Variants in ZIM2 observed in about 807,000 individuals in gnomAD.
ZIM2 encodes the protein zinc finger imprinted 2.
Under a neutral mutation model 38.6 loss-of-function variants are expected in ZIM2, and 14 were observed. The observed-to-expected ratio is 0.36, with a 90% CI of 0.24 to 0.57. ZIM2 has a LOEUF of 0.57. ZIM2 is among the 20% of genes least tolerant of loss of function. The pLI, the probability that ZIM2 is intolerant of heterozygous loss-of-function variation, is 0.81. For missense variants in ZIM2, 680 were observed against 695.1 expected, an observed-to-expected ratio of 0.98 and a Z score of 0.24; for synonymous variants, 247 against 245.8, an observed-to-expected ratio of 1.00 and a Z score of -0.04.
chr19:56,813,186 GCT>G (rs2059656271), intron 9 of ZIM2: 1 of 969,532 alleles, frequency 1.0e-6, no homozygotes. Flanking sequence ...CAAATTTGTT[GCT>G]CTCTTCCTCC....
At chr19:56,816,124 G>T (rs753236318) in intron 9 of ZIM2, 1 of 1,613,402 alleles carries the variant, frequency 6.2e-7, no homozygotes, top group Non-Finnish European at 8.5e-7. Flanking sequence ...CCTCTCATAT[G>T]ATTTTGCCTC....
chr19:56,833,527 C>T, intron 2 of ZIM2: 1 of 255,508 alleles, frequency 3.9e-6, no homozygotes, highest in Middle Eastern at 1.5e-3. Context: ...AGTGTCCCTT[C>T]ATCCAAATTC....
At chr19:56,809,077 G>A (rs1816345663) in intron 9 of ZIM2, among the ~76,000 whole-genome samples, 1 of 152,122 alleles carries the variant, frequency 6.6e-6, no homozygotes, top group South Asian at 2.1e-4. Context: ...AGAGTATAAG[G>A]ATTGGTCAAA....
chr19:56,824,542 A>G, intron 3 of ZIM2, 115 bp from the exon 4 acceptor site: 1 of 1,614,102 alleles, frequency 6.2e-7, no homozygotes, highest in Non-Finnish European at 8.5e-7. Context: ...AGTCAGTTGG[A>G]CCTTCTCCTA....
At chr19:56,812,972 C>T (rs1055359) in intron 9 of ZIM2, 777,651 of 985,208 alleles carry the variant, frequency 0.79, 307,082 homozygotes, top group South Asian at 0.85. Context: ...AAAGTGTTGG[C>T]GCAGATGAAA....
In ZIM2 at chr19:56,775,220, G is replaced by A. The variant is rs536403235; in HGVS notation, c.1145C>T (p.Thr382Ile). 6.8e-6 allele frequency: 11 copies of A among 1,614,154 alleles called. No homozygotes were observed. The highest frequency in any genetic ancestry group is 3.3e-5 in the Admixed American group (2 of 60,010). The change falls in exon 13 of 13, where the codon ACT becomes ATT. Residue 382 changes from threonine to isoleucine, a missense_variant. Thr to Ile is a moderately conservative substitution (Grantham distance 89, BLOSUM62 -1). Coordinates refer to ENST00000629319, the MANE Select transcript of ZIM2 (RefSeq NM_001387356.1). ...TTTACATTCATAGGGTTTCTTCCCA[G>A]TATGGATCCGTTCGTGTCTCCTAAG... ...VALRRHERIH[T>I]GKKPYECKQC...
intron 9 of ZIM2, among the ~76,000 whole-genome samples, chr19:56,807,540 G>A (rs2047816980): frequency 6.6e-6 from 1 of 152,178 alleles, no homozygotes; most frequent in South Asian, 2.1e-4. Context: ...CAGGCACAGT[G>A]GCTCACGCCT....
chr19:56,795,427 T>C (rs1568579392), intron 9 of ZIM2, among the ~76,000 whole-genome samples: 1 of 152,156 alleles, frequency 6.6e-6, no homozygotes, highest in Admixed American at 6.5e-5. Context: ...GGCTACCCGC[T>C]CGCCGGCCGC....
chr19:56,802,393 G>A (rs2047565300), intron 9 of ZIM2, among the ~76,000 whole-genome samples: 1 of 152,188 alleles, frequency 6.6e-6, no homozygotes, highest in Admixed American at 6.5e-5. Flanking sequence ...CAAACGAGAT[G>A]CACTAAAAGG....
chr19:56,780,481 T>A (rs1349183778), intron 11 of ZIM2, among the ~76,000 whole-genome samples: 1 of 152,110 alleles, frequency 6.6e-6, no homozygotes, highest in Non-Finnish European at 1.5e-5. Flanking sequence ...TGACCTCAAA[T>A]GAACCACCTG....
At chr19:56,778,368 G>T (rs1298879024) in intron 12 of ZIM2, among the ~76,000 whole-genome samples, 1 of 152,164 alleles carries the variant, frequency 6.6e-6, no homozygotes, top group Non-Finnish European at 1.5e-5. Flanking sequence ...AATTTTGTTT[G>T]GACATCCACT....
At position 56,814,181 on chromosome 19, in the gene ZIM2, C is replaced by CCACT; in HGVS notation, c.490+3564_490+3565insAGTG. 1 of 1,614,112 alleles carries CCACT rather than the reference C, an allele frequency of 6.2e-7. No individual in the cohort carries two copies. Among genetic ancestry groups the CCACT allele is most frequent in the Non-Finnish European group, 8.5e-7 (1 of 1,180,036 alleles). On this transcript the variant is annotated intron_variant, in intron 9 of 12. Transcript: ENST00000629319. The surrounding 1 kb of genome is among the most constrained non-coding windows in gnomAD (Gnocchi z 5.8). ...GCCTCTCCATCTGGCCCTTCAGCCT[C>CCACT]TCCGTTTGGCTCAGCAGCCTCCACT...
In ZIM2 at chr19:56,808,774, G is replaced by A. The variant is rs373307344; in HGVS notation, c.490+8972C>T. Among the ~76,000 whole-genome samples, 442 of 152,218 alleles carry A rather than the reference G, an allele frequency of 2.9e-3. 3 individuals are homozygous for A. The highest frequency in any genetic ancestry group is 9.9e-3 in the African/African-American group (412 of 41,530). ...AACCATGTAAAAGAAACCAAGGGCAGGCAGTTCAGCCAGACTCCACAAGGC... is the reference window on the plus strand; with the variant it reads ...AACCATGTAAAAGAAACCAAGGGCAAGCAGTTCAGCCAGACTCCACAAGGC... On this transcript the variant is annotated intron_variant, in intron 9 of 12. Coordinates refer to ENST00000629319, the MANE Select transcript of ZIM2 (RefSeq NM_001387356.1).
intron 1 of ZIM2, among the ~76,000 whole-genome samples, chr19:56,838,333 GGCGCCT>G (rs1288604821): frequency 6.6e-6 from 1 of 152,204 alleles, no homozygotes; most frequent in African/African-American, 2.4e-5. Flanking sequence ...CACTCAAGAT[GGCGCCT>G]GCGCAATCAA....
rs1279278164 is a variant in ZIM2 at position 56,840,592 on chromosome 19, TG to T, written c.-325del. The T allele has an allele frequency of 2.0e-5, 3 of 152,402 alleles. No homozygotes were observed. The highest frequency in any genetic ancestry group is 7.2e-5 in the African/African-American group (3 of 41,444). 9.4% of individuals were successfully genotyped at this position (152,402 alleles called of 1,614,324 possible). A position where few individuals can be genotyped will look rare whatever the true frequency, so the allele number is the denominator to read the frequency against. Reference sequence around the variant, plus strand: ...CGAAGGCGCACTCACCTCACCTCAGTGCTGCGCAGCCTCGGGCACGAACAGC... The same window carrying T: ...CGAAGGCGCACTCACCTCACCTCAGTCTGCGCAGCCTCGGGCACGAACAGC... On this transcript the variant is annotated 5_prime_UTR_variant, in exon 1 of 13. Coordinates refer to ENST00000629319, the MANE Select transcript of ZIM2 (RefSeq NM_001387356.1).
intron 1 of ZIM2, among the ~76,000 whole-genome samples, chr19:56,840,086 A>G (rs1210877066): frequency 6.6e-6 from 1 of 152,196 alleles, no homozygotes; most frequent in East Asian, 1.9e-4. Flanking sequence ...GGCACCCCGC[A>G]GGAAGGGGCA....
chr19:56,779,230 G>T, intron 12 of ZIM2, 147 bp downstream of exon 12: 1 of 665,420 alleles, frequency 1.5e-6, no homozygotes, highest in Non-Finnish European at 2.5e-6. Flanking sequence ...ATGAAGAGAT[G>T]GGCTTCAGAA....
At position 56,818,585 on chromosome 19, in the gene ZIM2, G is replaced by A. The variant is rs771885567; in HGVS notation, c.397+15C>T. 4.3e-6 allele frequency: 7 copies of A among 1,613,966 alleles called. No individual in the cohort carries two copies. The highest frequency in any genetic ancestry group is 1.7e-5 in the Admixed American group (1 of 60,020). ...ATGACTGGACTGGGAGTGACTGAGA[G>A]AAGCAGCTGCTTACCGAGGGAGAGC... On this transcript the variant is annotated intron_variant, in intron 8 of 12. Transcript: ENST00000629319.
chr19:56,797,332 ATAAG>A (rs1796990206), intron 9 of ZIM2, among the ~76,000 whole-genome samples: 1 of 148,488 alleles, frequency 6.7e-6, no homozygotes, highest in Admixed American at 6.7e-5. Context: ...AAATAAATAA[ATAAG>A]CTGTGACTAT....
Sources: allele counts gnomAD v4.1 joint callset (sites outside exome capture counted in the v4.1 genomes callset), GRCh38; gene constraint gnomAD v4.1.1; non-coding constraint Gnocchi (gnomAD v3.1); transcripts MANE v1.5; gene names NCBI Gene and HGNC (gene_info 2026-07-23, HGNC 2026-07-21).